SLC35F3: variants seen among roughly 807,000 people sequenced by gnomAD.
SLC35F3 encodes the protein solute carrier family 35 member F3.
SLC35F3 carries 25 observed loss-of-function variants against 49.9 expected under a neutral mutation model. The observed-to-expected ratio is 0.50, with a 90% CI of 0.37 to 0.70. SLC35F3 has a LOEUF of 0.70. Among genes scored for constraint, SLC35F3 ranks in the 30% least tolerant of loss-of-function variants. The probability of loss-of-function intolerance (pLI) is 0.00; values close to 1 mark genes in which losing one functional copy is unlikely to be tolerated. For synonymous variants in SLC35F3, 275 were observed against 265.4 expected (o/e 1.04, Z -0.35); for missense variants, 525 against 639.8 (o/e 0.82, Z 1.94).
chr1:233,993,815 C>T (rs1663405979), intron 2 of SLC35F3, among the ~76,000 whole-genome samples: 2 of 152,120 alleles, frequency 1.3e-5, no homozygotes, highest in Admixed American at 6.6e-5. Flanking sequence ...TCAGCTAATA[C>T]CTGGGGAACG....
At chr1:234,311,572 C>T (rs1396866172) in intron 4 of SLC35F3, among the ~76,000 whole-genome samples, 1 of 152,214 alleles carries the variant, frequency 6.6e-6, no homozygotes, top group East Asian at 1.9e-4. Flanking sequence ...CCACAAGGGC[C>T]ATGGTTCCTG....
intron 2 of SLC35F3, among the ~76,000 whole-genome samples, chr1:234,116,254 G>A (rs1665484640): frequency 6.6e-6 from 1 of 152,156 alleles, no homozygotes; most frequent in South Asian, 2.1e-4. Flanking sequence ...TATGAGCTCT[G>A]TGTCAGGAAC....
chr1:234,002,839 A>C (rs773110300), intron 2 of SLC35F3, among the ~76,000 whole-genome samples: 15 of 152,136 alleles, frequency 9.9e-5, no homozygotes, highest in Non-Finnish European at 1.9e-4. Context: ...TTATTCATTT[A>C]CTTATGTCAG....
At chr1:234,237,403 C>T (rs1667491202) in intron 3 of SLC35F3, among the ~76,000 whole-genome samples, 1 of 152,200 alleles carries the variant, frequency 6.6e-6, no homozygotes, top group African/African-American at 2.4e-5. Flanking sequence ...TTGTCATTTT[C>T]ACCAAACTCA....
At chr1:234,280,152 A>G (rs1015350199) in intron 3 of SLC35F3, among the ~76,000 whole-genome samples, 5 of 152,352 alleles carry the variant, frequency 3.3e-5, no homozygotes, top group African/African-American at 1.2e-4. Context: ...TAACATTTCA[A>G]TGGCAGGGAT....
intron 3 of SLC35F3, among the ~76,000 whole-genome samples, chr1:234,288,656 T>A (rs994622158): frequency 6.6e-6 from 1 of 152,214 alleles, no homozygotes; most frequent in African/African-American, 2.4e-5. Context: ...ATTGCTCAAC[T>A]CATATCATCT....
intron 2 of SLC35F3, among the ~76,000 whole-genome samples, chr1:234,051,165 A>G (rs1254785242): frequency 6.6e-6 from 1 of 152,154 alleles, no homozygotes; most frequent in African/African-American, 2.4e-5. Context: ...GTTTTTTCCA[A>G]TTCTGTGAAG....
chr1:234,267,274 ACTT>A (rs1667999297), intron 3 of SLC35F3, among the ~76,000 whole-genome samples: 1 of 126,552 alleles, frequency 7.9e-6, no homozygotes, highest in African/African-American at 3.2e-5. Flanking sequence ...TCCCATGTCT[ACTT>A]CTATCCACAC....
At chr1:233,906,816 C>T (rs1011529687) in intron 2 of SLC35F3, among the ~76,000 whole-genome samples, 2 of 152,136 alleles carry the variant, frequency 1.3e-5, no homozygotes, top group African/African-American at 4.8e-5. Flanking sequence ...AGGCAAAGGT[C>T]AGTGGTATGC....
At chr1:233,963,297 T>TC (rs915826800) in intron 2 of SLC35F3, among the ~76,000 whole-genome samples, 7 of 151,126 alleles carry the variant, frequency 4.6e-5, no homozygotes, top group Non-Finnish European at 8.9e-5. Flanking sequence ...TTTCTTTCTT[T>TC]CTTTTTTTTT....
intron 2 of SLC35F3, among the ~76,000 whole-genome samples, chr1:234,141,696 C>T (rs535141915): frequency 2.0e-5 from 3 of 152,296 alleles, no homozygotes; most frequent in South Asian, 4.1e-4. Context: ...TTGGAGAACT[C>T]GCTTCAGCTC....
chr1:234,057,718 A>G (rs1664475381), intron 2 of SLC35F3, among the ~76,000 whole-genome samples: 1 of 151,534 alleles, frequency 6.6e-6, no homozygotes, highest in Admixed American at 6.6e-5. Context: ...GTCTTTCTTT[A>G]TTTTTGAGAC....
chr1:234,145,182 G>A (rs1481698898), intron 2 of SLC35F3, among the ~76,000 whole-genome samples: 6 of 152,106 alleles, frequency 3.9e-5, no homozygotes, highest in East Asian at 1.9e-4. Context: ...AGTTTTTACC[G>A]CACTGTCCCG....
At chr1:234,143,018 C>T (rs902167824) in intron 2 of SLC35F3, among the ~76,000 whole-genome samples, 4 of 152,010 alleles carry the variant, frequency 2.6e-5, no homozygotes, top group Non-Finnish European at 4.4e-5. Flanking sequence ...TTAACATATC[C>T]GTCACCTCAC....
At chr1:234,313,872 C>A (rs1657418863) in intron 4 of SLC35F3, among the ~76,000 whole-genome samples, 1 of 152,164 alleles carries the variant, frequency 6.6e-6, no homozygotes, top group Admixed American at 6.5e-5. Context: ...TATGTGCATA[C>A]TTTTTAAAAG....
At position 234,175,652 on chromosome 1, in the gene SLC35F3, G is replaced by C. The variant is rs142634420; in HGVS notation, c.284-55765G>C. On this transcript the variant is annotated intron_variant, in intron 2 of 7. Coordinates refer to ENST00000366618, the MANE Select transcript of SLC35F3 (RefSeq NM_173508.4). ...CACTCCAGCCTGGGCAACAGAGTGA[G>C]ACCCTGTCTCAAAAAAAAAAAAAAA... 3.7e-4 allele frequency among the ~76,000 whole-genome samples: 41 copies of C among 112,120 alleles called. No homozygotes were observed. In the East Asian group the frequency reaches 0.01, roughly 28 times the overall value. The allele number at this position is 112,120 out of a possible 152,430, so 73.6% of individuals were successfully genotyped here. A position where few individuals can be genotyped will look rare whatever the true frequency, so the allele number is the denominator to read the frequency against.
At chr1:234,296,249 C>T (rs147404317) in intron 3 of SLC35F3, among the ~76,000 whole-genome samples, 115 of 152,198 alleles carry the variant, frequency 7.6e-4, no homozygotes, top group African/African-American at 2.5e-3. Flanking sequence ...GCTTGCTCTT[C>T]ATCTCCTACG....
chr1:234,108,849 T>C (rs766971679), intron 2 of SLC35F3, among the ~76,000 whole-genome samples: 35 of 147,542 alleles, frequency 2.4e-4, no homozygotes, highest in Middle Eastern at 3.5e-3. Context: ...TCTTTAAATA[T>C]GTTTCTCTCA....
At chr1:233,950,600 C>T (rs1662590281) in intron 2 of SLC35F3, among the ~76,000 whole-genome samples, 4 of 150,360 alleles carry the variant, frequency 2.7e-5, no homozygotes, top group African/African-American at 9.8e-5. Flanking sequence ...TCCTCTTTCC[C>T]TCCTCCCTCC....
Sources: allele counts gnomAD v4.1 joint callset (sites outside exome capture counted in the v4.1 genomes callset), GRCh38; gene constraint gnomAD v4.1.1; transcripts MANE v1.5; gene names NCBI Gene and HGNC (gene_info 2026-07-23, HGNC 2026-07-21).